The following DNAI7 variants were observed in gnomAD, a reference collection of about 807,000 sequenced individuals.
DNAI7 encodes dynein axonemal intermediate chain 7.
DNAI7 carries 78 observed loss-of-function variants against 86.6 expected under a neutral mutation model. The observed-to-expected ratio is 0.90, with a 90% CI of 0.75 to 1.09. The LOEUF (loss-of-function observed/expected upper bound fraction) is 1.09. Among genes scored for constraint, DNAI7 ranks in the 50% least tolerant of loss-of-function variants. The pLI is 0.00. For missense variants in DNAI7, 753 were observed against 810.2 expected, an observed-to-expected ratio of 0.93 and a Z score of 0.86; for synonymous variants, 274 against 273.0, an observed-to-expected ratio of 1.00 and a Z score of -0.04.
chr12:25,179,295 C>T (rs1447702854), intron 2 of DNAI7, among the ~76,000 whole-genome samples: 1 of 152,098 alleles, frequency 6.6e-6, no homozygotes, highest in Non-Finnish European at 1.5e-5. Flanking sequence ...AGTATACTAG[C>T]AATTTTGGGG....
chr12:25,174,438 T>G (rs1258406110), intron 2 of DNAI7, among the ~76,000 whole-genome samples: 2 of 104,904 alleles, frequency 1.9e-5, no homozygotes, highest in Non-Finnish European at 3.7e-5. Flanking sequence ...ATATATATCA[T>G]ATATATGGGA....
chr12:25,189,567 G>T lies in DNAI7; in HGVS notation c.21+1047C>A, dbSNP rs112923889. Among the ~76,000 whole-genome samples the T allele has an allele frequency of 8.7e-3, 905 of 103,950 alleles. 6 individuals carry two copies. The highest frequency in any genetic ancestry group is 0.013 in the Non-Finnish European group (540 of 42,314). 68.2% of individuals were successfully genotyped at this position (103,950 alleles called of 152,430 possible). ...TGAGGTGGGAGAATTGCTTGAACCC[G>T]GAAGGTGGAAGTTGCAGTAAGCCAA... On this transcript the variant is annotated intron_variant, in intron 2 of 15. Coordinates refer to ENST00000395987, the MANE Select transcript of DNAI7 (RefSeq NM_018272.5).
intron 9 of DNAI7, among the ~76,000 whole-genome samples, chr12:25,135,204 A>G (rs1481306905): frequency 6.6e-6 from 1 of 152,222 alleles, no homozygotes; most frequent in East Asian, 1.9e-4. Flanking sequence ...CTCACTGGAG[A>G]ACCTGAAAAT....
chr12:25,138,934 GACAA>G (rs1331998386), intron 9 of DNAI7, among the ~76,000 whole-genome samples: 2 of 149,144 alleles, frequency 1.3e-5, no homozygotes, highest in Non-Finnish European at 3.0e-5. Flanking sequence ...TTTTTGAAAA[GACAA>G]ACAAAATTGA....
chr12:25,190,705 G>T, intron 1 of DNAI7, 74 bp from the exon 2 acceptor site: 1 of 844,042 alleles, frequency 1.2e-6, no homozygotes, highest in Non-Finnish European at 1.8e-6. Flanking sequence ...GATTATGTAA[G>T]ATGTTAAAAT....
intron 3 of DNAI7, among the ~76,000 whole-genome samples, chr12:25,160,195 A>C (rs1256166003): frequency 6.6e-6 from 1 of 152,200 alleles, no homozygotes; most frequent in Non-Finnish European, 1.5e-5. Flanking sequence ...TAATTTCATC[A>C]GTAAATATAA....
chr12:25,189,989 TAAAA>T (rs71449907), intron 2 of DNAI7, among the ~76,000 whole-genome samples: 2 of 19,084 alleles, frequency 1.0e-4, no homozygotes, highest in African/African-American at 2.7e-4. Context: ...GCAACTGATT[TAAAA>T]AAAAAAAAAA....
rs1944577615 is a variant in DNAI7 at position 25,144,479 on chromosome 12, T to C, written c.888A>G (p.Lys296=). Residue 296 remains lysine (K), a synonymous_variant, in exon 9 of 16, where the codon AAA becomes AAG. Transcript: ENST00000395987. Reference sequence around the variant, plus strand: ...CTTCTTCGACCTCCTTGCTGATTGCTTTTTCTACATTCTTAACATCATCTT... The same window carrying C: ...CTTCTTCGACCTCCTTGCTGATTGCCTTTTCTACATTCTTAACATCATCTT... The part of the protein sequence containing the change: ...LVKDDVKNVE[K]AISKEVEEES... 37 of 1,614,114 alleles carry C rather than the reference T, an allele frequency of 2.3e-5. No homozygotes were observed. The highest frequency in any genetic ancestry group is 3.1e-5 in the Non-Finnish European group (37 of 1,179,968).
At position 25,183,994 on chromosome 12, in the gene DNAI7, T is replaced by C. The variant is rs1949800140; in HGVS notation, c.21+6620A>G. On this transcript the variant is annotated intron_variant, in intron 2 of 15. Coordinates refer to ENST00000395987, the MANE Select transcript of DNAI7 (RefSeq NM_018272.5). ...GGCTACTACAGAAAGTCAACAAATA[T>C]GCCTTCTATATCCAGACCTGTATCC... is the stretch of plus-strand genomic sequence containing the variant. Among the ~76,000 whole-genome samples the C allele has an allele frequency of 2.0e-5, 3 of 152,174 alleles. No homozygotes were observed. In the South Asian group the frequency reaches 6.2e-4, roughly 31 times the overall value.
At chr12:25,159,072 G>A (rs966386495) in intron 3 of DNAI7, among the ~76,000 whole-genome samples, 6 of 152,118 alleles carry the variant, frequency 3.9e-5, no homozygotes, top group Non-Finnish European at 7.4e-5. Flanking sequence ...TTGACCCAGC[G>A]ATCCCATTAC....
chr12:25,108,017 G>T (rs116186734), downstream of DNAI7: 1 of 1,613,980 alleles, frequency 6.2e-7, no homozygotes, highest in East Asian at 2.2e-5. Flanking sequence ...CATATCTTGT[G>T]GCCATTTACC....
In DNAI7 at chr12:25,121,775, A is replaced by G; in HGVS notation, c.1217T>C (p.Val406Ala). 6.2e-7 allele frequency: 1 copy of G among 1,600,094 alleles called. No homozygotes were observed. The highest frequency in any genetic ancestry group is 8.5e-7 in the Non-Finnish European group (1 of 1,176,618). ...ILELPPQCKP[V>A]KGWMIVEILK... ...TACTTCCACAATCATCCATCCCTTC[A>G]CTGGTTTACACTGTGGAGGAAGCTC... The change falls in exon 11 of 16, where the codon GTG becomes GCG. Residue 406 changes from valine (V) to alanine (A), a missense_variant. Transcript: ENST00000395987.
chr12:25,127,865 G>A (rs1453180851), intron 9 of DNAI7, among the ~76,000 whole-genome samples: 2 of 152,144 alleles, frequency 1.3e-5, no homozygotes, highest in East Asian at 3.8e-4. Flanking sequence ...TGAAAATTTA[G>A]CATATGGCAT....
In DNAI7 at chr12:25,149,665, T is replaced by C. The variant is rs573636601; in HGVS notation, c.548A>G (p.His183Arg). Residue 183 changes from histidine (H) to arginine (R), a missense_variant, in exon 7 of 16, where the codon CAT becomes CGT. His to Arg is a conservative substitution (Grantham distance 29, BLOSUM62 0). Transcript: ENST00000395987. ...ESILQLQELL[H>R]LKFGVATEIL... Reference sequence around the variant, plus strand: ...TTCTGTGGCTACACCGAATTTAAGATGAAGGAGCTCCTGCAGTTGTAGTAT... The same window carrying C: ...TTCTGTGGCTACACCGAATTTAAGACGAAGGAGCTCCTGCAGTTGTAGTAT... The C allele has an allele frequency of 1.2e-5, 20 of 1,607,726 alleles. No individual in the cohort carries two copies. Among genetic ancestry groups the C allele is most frequent in the Non-Finnish European group, 1.7e-5 (20 of 1,176,772 alleles).
chr12:25,186,103 T>C (rs757374737), intron 2 of DNAI7, among the ~76,000 whole-genome samples: 6 of 152,212 alleles, frequency 3.9e-5, no homozygotes, highest in Admixed American at 6.5e-5. Context: ...GTCTAATCAC[T>C]GTTTTCTGTA....
At chr12:25,134,520 C>A (rs539121418) in intron 9 of DNAI7, among the ~76,000 whole-genome samples, 1 of 151,976 alleles carries the variant, frequency 6.6e-6, no homozygotes, top group African/African-American at 2.4e-5. Flanking sequence ...CCATGCCCAG[C>A]TAATTTTTGT....
intron 4 of DNAI7, among the ~76,000 whole-genome samples, chr12:25,156,765 G>C (rs1194417903): frequency 6.6e-6 from 1 of 151,902 alleles, no homozygotes; most frequent in African/African-American, 2.4e-5. Flanking sequence ...AAAATCTTCT[G>C]ATTTGGTTGG....
chr12:25,116,850 C>T (rs1006745276), intron 12 of DNAI7, among the ~76,000 whole-genome samples: 8 of 152,092 alleles, frequency 5.3e-5, no homozygotes, highest in African/African-American at 1.4e-4. Flanking sequence ...TAAAGTGACA[C>T]CTCTGAAACA....
At chr12:25,146,620 G>C (rs1245877036) in intron 8 of DNAI7, among the ~76,000 whole-genome samples, 1 of 102,630 alleles carries the variant, frequency 9.7e-6, no homozygotes, top group African/African-American at 2.8e-5. Context: ...GAAAAAGAAA[G>C]CACCTACCAC....
Sources: allele counts gnomAD v4.1 joint callset (sites outside exome capture counted in the v4.1 genomes callset), GRCh38; gene constraint gnomAD v4.1.1; transcripts MANE v1.5; gene names NCBI Gene and HGNC (gene_info 2026-07-23, HGNC 2026-07-21).